Variants in MNAT1 observed in about 807,000 individuals in gnomAD.
MNAT1 encodes CDK-activating kinase assembly factor MAT1.
A neutral mutation model predicts 42.0 loss-of-function variants in MNAT1; 43 were observed. That is an observed-to-expected ratio of 1.02 (90% CI 0.80 to 1.32). The LOEUF is 1.32. MNAT1 is among the 40% of genes most tolerant of loss of function. MNAT1 has a pLI of 0.00. For missense variants in MNAT1, 306 were observed against 350.4 expected (o/e 0.87, Z 1.01); for synonymous variants, 118 against 120.0 (o/e 0.98, Z 0.11).
intron 3 of MNAT1, among the ~76,000 whole-genome samples, chr14:60,803,565 A>G (rs4151207): frequency 6.6e-6 from 1 of 152,204 alleles, no homozygotes; most frequent in Admixed American, 6.5e-5. Context: ...TGAGTCTAGA[A>G]CATGGAGTTC....
At chr14:60,920,448 C>T (rs536411982) in intron 7 of MNAT1, among the ~76,000 whole-genome samples, 24 of 151,836 alleles carry the variant, frequency 1.6e-4, no homozygotes, top group Non-Finnish European at 3.2e-4. Flanking sequence ...TTGGGACAGT[C>T]TCGCTCCGTC....
At chr14:60,868,050 T>G (rs2034245180) in intron 6 of MNAT1, among the ~76,000 whole-genome samples, 1 of 152,152 alleles carries the variant, frequency 6.6e-6, no homozygotes, top group Non-Finnish European at 1.5e-5. Context: ...AAAATCTCTC[T>G]GCTTGCTTCT....
chr14:60,753,518 G>A (rs1254152932), intron 1 of MNAT1: 1 of 152,174 alleles, frequency 6.6e-6, no homozygotes, highest in Non-Finnish European at 1.5e-5. Context: ...GATTTCTTCA[G>A]TGTTCGCACA....
At chr14:60,942,718 T>C (rs1172225913) in intron 7 of MNAT1, among the ~76,000 whole-genome samples, 1 of 152,080 alleles carries the variant, frequency 6.6e-6, no homozygotes, top group Non-Finnish European at 1.5e-5. Context: ...GTTTGCAATA[T>C]AAGAAATGAC....
chr14:60,811,455 A>G (rs1001891652), intron 4 of MNAT1, among the ~76,000 whole-genome samples: 1 of 151,778 alleles, frequency 6.6e-6, no homozygotes, highest in Non-Finnish European at 1.5e-5. Context: ...GGCATGTGCC[A>G]CCATGCCTGA....
chr14:60,837,630 T>A (rs923172919), intron 6 of MNAT1, among the ~76,000 whole-genome samples: 2 of 152,236 alleles, frequency 1.3e-5, no homozygotes, highest in Admixed American at 6.5e-5. Context: ...TGCATTGATC[T>A]TGCTGCAAGC....
At chr14:60,751,904 T>C (rs2030111530) in intron 1 of MNAT1, among the ~76,000 whole-genome samples, 2 of 152,176 alleles carry the variant, frequency 1.3e-5, no homozygotes, top group African/African-American at 4.8e-5. Flanking sequence ...TCTGCACCAC[T>C]GATTTATATA....
intron 7 of MNAT1, among the ~76,000 whole-genome samples, chr14:60,964,674 G>T (rs962976448): frequency 3.3e-5 from 5 of 152,128 alleles, no homozygotes; most frequent in African/African-American, 1.2e-4. Flanking sequence ...CTTGACTTTT[G>T]GAAGTAAATT....
At chr14:60,845,867 A>T (rs1056761823) in intron 6 of MNAT1, among the ~76,000 whole-genome samples, 5 of 152,106 alleles carry the variant, frequency 3.3e-5, no homozygotes, top group Non-Finnish European at 2.9e-5. Context: ...AGACTTTAGT[A>T]TGAGGATAAT....
At chr14:60,903,947 C>T (rs999790201) in intron 7 of MNAT1, among the ~76,000 whole-genome samples, 20 of 143,888 alleles carry the variant, frequency 1.4e-4, no homozygotes, top group Non-Finnish European at 2.6e-4. Flanking sequence ...TCTTGGCCTA[C>T]TGCAACTTCT....
intron 6 of MNAT1, among the ~76,000 whole-genome samples, chr14:60,827,576 G>A (rs536037401): frequency 1.3e-5 from 2 of 152,276 alleles, no homozygotes; most frequent in African/African-American, 2.4e-5. Flanking sequence ...CAGCTTAGGT[G>A]CTTTACCATT....
chr14:60,861,226 A>G (rs2034087729), intron 6 of MNAT1, among the ~76,000 whole-genome samples: 1 of 152,136 alleles, frequency 6.6e-6, no homozygotes, highest in African/African-American at 2.4e-5. Flanking sequence ...TTTCCAAAAG[A>G]TTGTATATTT....
rs562713041 is a variant in MNAT1, at chr14:60,842,856, G to C, written c.687+24009G>C. Among the ~76,000 whole-genome samples the C allele has an allele frequency of 2.0e-5, 3 of 152,224 alleles. No individual in the cohort carries two copies. In the South Asian group the frequency reaches 6.2e-4, roughly 32 times the overall value. ...TAGGCTTCCTTAATACAAGTACTCA[G>C]AACACTTACATTAGCCCAGCATCAT... On this transcript the variant is annotated intron_variant, in intron 6 of 7. Transcript: ENST00000261245.
intron 7 of MNAT1, among the ~76,000 whole-genome samples, chr14:60,903,204 A>G (rs1490352200): frequency 2.0e-5 from 3 of 152,034 alleles, no homozygotes; most frequent in Non-Finnish European, 2.9e-5. Flanking sequence ...TATATATTAA[A>G]TCTTCGTCTT....
At chr14:60,849,639 C>G (rs2033770952) in intron 6 of MNAT1, among the ~76,000 whole-genome samples, 1 of 151,836 alleles carries the variant, frequency 6.6e-6, no homozygotes, top group Non-Finnish European at 1.5e-5. Context: ...TAATTCCCTT[C>G]TTTTTTTTAC....
chr14:60,955,667 A>T (rs1315558965), intron 7 of MNAT1, among the ~76,000 whole-genome samples: 5 of 152,174 alleles, frequency 3.3e-5, no homozygotes, highest in African/African-American at 1.2e-4. Flanking sequence ...GTCTCTAAAT[A>T]AATAAATAAA....
chr14:60,921,851 G>C (rs1022951706), intron 7 of MNAT1, among the ~76,000 whole-genome samples: 5 of 152,090 alleles, frequency 3.3e-5, no homozygotes, highest in Admixed American at 1.3e-4. Flanking sequence ...TTTCCTGTGA[G>C]ACATGGCTCT....
chr14:60,760,192 C>CT (rs202003396), intron 1 of MNAT1, among the ~76,000 whole-genome samples: 10 of 150,928 alleles, frequency 6.6e-5, no homozygotes, highest in Non-Finnish European at 8.9e-5. Flanking sequence ...ATACCTTTAC[C>CT]TTTTTTTTTC....
chr14:60,823,241 C>T (rs1048762783), intron 6 of MNAT1, among the ~76,000 whole-genome samples: 9 of 152,184 alleles, frequency 5.9e-5, no homozygotes, highest in Admixed American at 3.3e-4. Context: ...ACTTGGAGTA[C>T]TCTCCCTTTA....
Sources: allele counts gnomAD v4.1 joint callset (sites outside exome capture counted in the v4.1 genomes callset), GRCh38; gene constraint gnomAD v4.1.1; transcripts MANE v1.5; gene names NCBI Gene and HGNC (gene_info 2026-07-23, HGNC 2026-07-21).